TKT: variants seen among roughly 807,000 people sequenced by gnomAD.
The protein encoded by TKT is epididymis luminal protein 107.
Under a neutral mutation model 63.9 loss-of-function variants are expected in TKT, and 47 were observed. The observed-to-expected ratio is 0.74, with a 90% confidence interval of 0.58 to 0.94. The LOEUF is 0.94. Among genes scored for constraint, TKT ranks in the 40% least tolerant of loss-of-function variants. The pLI is 0.00. For missense variants in TKT, 721 were observed against 846.2 expected, an observed-to-expected ratio of 0.85 and a Z score of 1.84; for synonymous variants, 338 against 334.1, an observed-to-expected ratio of 1.01 and a Z score of -0.13.
At chr3:53,250,519 C>T (rs1170521765) in intron 1 of TKT, among the ~76,000 whole-genome samples, 1 of 152,140 alleles carries the variant, frequency 6.6e-6, no homozygotes, top group Non-Finnish European at 1.5e-5. Context: ...CCTGTAATCC[C>T]AGTACTCTAG....
intron 13 of TKT, chr3:53,226,367 T>G (rs1704498641): frequency 3.9e-6 from 1 of 255,548 alleles, no homozygotes; most frequent in South Asian, 5.5e-5. Flanking sequence ...GCCTCCTACT[T>G]AGAGAGGCTG....
intron 7 of TKT, 134 bp from the exon 8 acceptor site, chr3:53,230,755 G>A (rs1704719042): frequency 2.6e-5 from 28 of 1,083,170 alleles, no homozygotes; most frequent in Non-Finnish European, 3.3e-5. Flanking sequence ...GTCCTGCAGA[G>A]GCTTTTAACT....
rs1704594103 is a variant in TKT at position 53,228,348 on chromosome 3, G to A, written c.1407C>T (p.Phe469=). ...CATTTTCTGGGCGGCTGGTCCGGATGAAGCAGATACCCTGAGACCGAAACA... is the reference window on the plus strand; with the variant it reads ...CATTTTCTGGGCGGCTGGTCCGGATAAAGCAGATACCCTGAGACCGAAACA... ...ELAANTKGIC[F]IRTSRPENAI... The change falls in exon 11 of 14, where the codon TTC becomes TTT. Residue 469 remains phenylalanine (F), a synonymous_variant. Transcript: ENST00000462138. 4 of 1,614,126 alleles carry A rather than the reference G, an allele frequency of 2.5e-6. No homozygotes were observed. The highest frequency in any genetic ancestry group is 3.4e-6 in the Non-Finnish European group (4 of 1,180,016).
intron 1 of TKT, among the ~76,000 whole-genome samples, chr3:53,252,831 C>T (rs1363965906): frequency 1.3e-5 from 2 of 148,536 alleles, no homozygotes; most frequent in Non-Finnish European, 3.0e-5. Context: ...AGACTGCTTG[C>T]CCAAGAGGCA....
intron 4 of TKT, among the ~76,000 whole-genome samples, chr3:53,235,799 A>T (rs889816564): frequency 4.6e-5 from 7 of 152,320 alleles, no homozygotes; most frequent in Non-Finnish European, 5.9e-5. Flanking sequence ...TGACCCCAAG[A>T]CTGAAGCTGC....
rs556093627 is a variant in TKT at position 53,237,645 on chromosome 3, G to A, written c.438-2471C>T. ...GCTAAGAATAAGGAAAACATTGGTT[G>A]GGTGCAGTGGCTCATGCCTGTAATC... On this transcript the variant is annotated intron_variant, in intron 4 of 13. Coordinates refer to ENST00000462138, the MANE Select transcript of TKT (RefSeq NM_001064.4). Among the ~76,000 whole-genome samples the A allele has an allele frequency of 2.7e-3, 418 of 152,186 alleles. 3 individuals carry two copies. The highest frequency in any genetic ancestry group is 0.016 in the South Asian group (77 of 4,824).
rs1220420892 is a variant in TKT at position 53,233,136 on chromosome 3, G to A, written c.748+20C>T. ...CTGGGCGAGGGGTGAAGGTGGGGAG[G>A]GCGGCTTGTGCATACTGACCCGTGA... On this transcript the variant is annotated intron_variant, in intron 6 of 13. Coordinates refer to ENST00000462138, the MANE Select transcript of TKT (RefSeq NM_001064.4). The A allele has an allele frequency of 3.7e-6, 6 of 1,604,996 alleles. No individual in the cohort carries two copies. The highest frequency in any genetic ancestry group is 2.2e-5 in the East Asian group (1 of 44,724).
chr3:53,235,362 C>T, intron 4 of TKT, 188 bp from the exon 5 acceptor site: 1 of 501,110 alleles, frequency 2.0e-6, no homozygotes, highest in Non-Finnish European at 3.5e-6. Flanking sequence ...ACAAGCCACA[C>T]CCCAAGAGAA....
intron 4 of TKT, among the ~76,000 whole-genome samples, chr3:53,237,492 T>TTA (rs1335661688): frequency 2.0e-5 from 2 of 98,924 alleles, no homozygotes; most frequent in East Asian, 8.3e-4. Context: ...AGATTTTATA[T>TTA]TATACACACA....
At chr3:53,233,386 C>T in intron 5 of TKT, 112 bp from the exon 6 acceptor site, 2 of 695,194 alleles carry the variant, frequency 2.9e-6, no homozygotes, top group Non-Finnish European at 4.5e-6. Context: ...CTCCACCCCA[C>T]AACTGCGGCC....
chr3:53,241,032 AC>A (rs1286692398), intron 3 of TKT, 99 bp downstream of exon 3: 1 of 1,002,162 alleles, frequency 1.0e-6, no homozygotes, highest in Non-Finnish European at 1.4e-6. Context: ...GCCTTTCAAC[AC>A]CTTTGGCTTC....
At chr3:53,252,574 G>A (rs991773231) in intron 1 of TKT, among the ~76,000 whole-genome samples, 5 of 152,012 alleles carry the variant, frequency 3.3e-5, no homozygotes, top group Admixed American at 1.3e-4. Flanking sequence ...CCCTCTCCAA[G>A]ACATTACAAT....
chr3:53,230,286 A>G (rs1055319701), intron 8 of TKT, among the ~76,000 whole-genome samples, 171 bp downstream of exon 8: 8 of 152,210 alleles, frequency 5.3e-5, no homozygotes, highest in African/African-American at 1.9e-4. Flanking sequence ...AGAACCTCCC[A>G]AACTGTGGCT....
In TKT at chr3:53,240,256, C is replaced by T. The variant is rs782108179; in HGVS notation, c.432G>A (p.Lys144=). The T allele has an allele frequency of 1.1e-5, 17 of 1,612,184 alleles. No individual in the cohort carries two copies. Among genetic ancestry groups the T allele is most frequent in the Non-Finnish European group, 1.4e-5 (17 of 1,178,672 alleles). The change falls in exon 4 of 14, where the codon AAG becomes AAA. Residue 144 remains lysine (K), a synonymous_variant. Coordinates refer to ENST00000462138, the MANE Select transcript of TKT (RefSeq NM_001064.4). The part of the protein sequence containing the change: ...GMAYTGKYFD[K]ASYRVYCLLG... ...GTGGGGAGTAGGTGTGTTACCTGGC[C>T]TTGTCGAAGTATTTGCCGGTGTAGG...
In TKT at chr3:53,233,273, A is replaced by C; in HGVS notation, c.631T>G (p.Trp211Gly). 7.5e-6 allele frequency: 12 copies of C among 1,608,830 alleles called. No individual in the cohort carries two copies. The highest frequency in any genetic ancestry group is 1.0e-5 in the Non-Finnish European group (12 of 1,177,150). The change falls in exon 6 of 14, where the codon TGG becomes GGG. Residue 211 changes from tryptophan (W) to glycine (G), a missense_variant and splice_region_variant. Coordinates refer to ENST00000462138, the MANE Select transcript of TKT (RefSeq NM_001064.4). ...TGTCCATCCACGATGATGGCATGCC[A>C]ACTGGGGACAGGGGGCAGAGAGTAA... is the stretch of plus-strand genomic sequence containing the variant. ...IYQKRCEAFGWHAIIVDGHSV... is the reference protein window; with the variant it reads ...IYQKRCEAFGGHAIIVDGHSV...
Position 53,241,162 on chromosome 3 carries a change from G to A in TKT, c.309C>T (p.Ile103=), listed in dbSNP as rs1176397680. ...CCGGGTGCCCGTCCAAGTCGGAGCT[G>A]ATCTTCCTCAGGTTCAGCAGCTCCG... is the stretch of plus-strand genomic sequence containing the variant. ...AEAELLNLRK[I]SSDLDGHPVP... The change falls in exon 3 of 14, where the codon ATC becomes ATT. Residue 103 remains isoleucine (I), a synonymous_variant. Transcript: ENST00000462138. 2 of 1,583,622 alleles carry A rather than the reference G, an allele frequency of 1.3e-6. No homozygotes were observed. The highest frequency in any genetic ancestry group is 2.8e-5 in the African/African-American group (2 of 72,722).
In TKT at chr3:53,230,444, C is replaced by T; in HGVS notation, c.1107+13G>A. The stretch of plus-strand genomic sequence containing the variant: ...CCTTGGGTGGACCTGTCCCTGCCGG[C>T]CCCAGCACCTACCATGTTCTGCTCA... On this transcript the variant is annotated intron_variant, in intron 8 of 13. Transcript: ENST00000462138. 3 of 1,614,154 alleles carry T rather than the reference C, an allele frequency of 1.9e-6. No homozygotes were observed. The highest frequency in any genetic ancestry group is 2.2e-5 in the East Asian group (1 of 44,886).
At chr3:53,226,056 G>A (rs1417932700) in intron 13 of TKT, 125 bp from the exon 14 acceptor site, 5 of 823,688 alleles carry the variant, frequency 6.1e-6, no homozygotes, top group Non-Finnish European at 9.1e-6. Flanking sequence ...TCCACCTGTA[G>A]CCATGAGCCC....
In TKT at chr3:53,228,076, G is replaced by A. The variant is rs1328734845; in HGVS notation, c.1553C>T (p.Ala518Val). 15 of 1,612,868 alleles carry A rather than the reference G, an allele frequency of 9.3e-6. No individual in the cohort carries two copies. The highest frequency in any genetic ancestry group is 1.7e-5 in the Admixed American group (1 of 60,008). Residue 518 changes from alanine (A) to valine (V), a missense_variant, in exon 12 of 14, where the codon GCT becomes GTT. Transcript: ENST00000462138. ...AGVTLHEALA[A>V]AELLKKEKIN... ...CTCACCTTTCTTCAGCAGTTCGGCA[G>A]CGGCCAAGGCCTCGTGCAGGGTCAC...
Sources: allele counts gnomAD v4.1 joint callset (sites outside exome capture counted in the v4.1 genomes callset), GRCh38; gene constraint gnomAD v4.1.1; transcripts MANE v1.5; gene names NCBI Gene and HGNC (gene_info 2026-07-23, HGNC 2026-07-21).